SEMA6A: variants seen among roughly 807,000 people sequenced by gnomAD.
The protein encoded by SEMA6A is semaphorin-6A.
SEMA6A carries 25 observed loss-of-function variants against 96.8 expected under a neutral mutation model. The ratio of observed to expected loss-of-function variants is 0.26; its 90% CI spans 0.19 to 0.36. The LOEUF (loss-of-function observed/expected upper bound fraction) is 0.36. Among genes scored for constraint, SEMA6A ranks in the 10% least tolerant of loss-of-function variants. SEMA6A has a pLI of 1.00. For synonymous variants in SEMA6A, 612 were observed against 518.0 expected (o/e 1.18, Z -2.46); for missense variants, 1,363 against 1,323.1 (o/e 1.03, Z -0.47).
At chr5:116,532,341 A>AT (rs1759522443) in intron 1 of SEMA6A, among the ~76,000 whole-genome samples, 1 of 152,216 alleles carries the variant, frequency 6.6e-6, no homozygotes, top group African/African-American at 2.4e-5. Context: ...CAACAAAGGG[A>AT]ATATGAATGT....
chr5:116,457,485 G>C (rs2288475), intron 18 of SEMA6A, among the ~76,000 whole-genome samples: 6,100 of 152,104 alleles, frequency 0.04, 151 homozygotes, highest in East Asian at 0.086. Flanking sequence ...GTTTGAAAAG[G>C]AATGCATCCT....
In SEMA6A at chr5:116,477,856, G is replaced by T; in HGVS notation, c.1639C>A (p.Pro547Thr). The T allele has an allele frequency of 6.2e-7, 1 of 1,613,848 alleles. No individual in the cohort carries two copies. Among genetic ancestry groups the T allele is most frequent in the East Asian group, 2.2e-5 (1 of 44,882 alleles). The change falls in exon 15 of 19, where the codon CCC becomes ACC. Residue 547 changes from proline (P) to threonine (T), a missense_variant. This residue lies in a region of SEMA6A where 883 missense variants were observed against 763.6 expected (regional missense o/e 1.16). Coordinates refer to ENST00000343348, the MANE Select transcript of SEMA6A (RefSeq NM_020796.5). ...KEGGACSHLS[P>T]NSRLTFEQDI... is the part of the protein sequence containing the mutation. ...CCTCAGGCTGCCTACCTGCTGTTGG[G>T]TGATAAATGGCTGCAGGCACCACCT...
chr5:116,526,473 GTAAACAAACGGATCAATGAATGATC>G (rs1309256691), intron 1 of SEMA6A, among the ~76,000 whole-genome samples: 1 of 152,132 alleles, frequency 6.6e-6, no homozygotes, highest in Non-Finnish European at 1.5e-5. Context: ...TGTTTGATTG[GTAAACAAACGGATCAATGAATGATC>G]TAAAATACAA....
intron 1 of SEMA6A, among the ~76,000 whole-genome samples, chr5:116,544,739 A>C (rs1321427598): frequency 6.6e-6 from 1 of 152,130 alleles, no homozygotes; most frequent in Admixed American, 6.5e-5. Context: ...GTGGCAGAGG[A>C]TTTATCTGCA....
intron 2 of SEMA6A, 54 bp from the exon 3 acceptor site, chr5:116,502,381 G>A: frequency 6.7e-7 from 1 of 1,499,778 alleles, no homozygotes; most frequent in South Asian, 1.1e-5. Flanking sequence ...GCCAGGAATT[G>A]ACAGGGTAGG....
intron 1 of SEMA6A, among the ~76,000 whole-genome samples, chr5:116,568,760 AAC>A (rs1404813728): frequency 6.6e-6 from 1 of 152,138 alleles, no homozygotes; most frequent in Non-Finnish European, 1.5e-5. Context: ...CTGGAAAAAC[AAC>A]ACAGTGAATG....
chr5:116,476,651 TAAC>T (rs537419653), intron 15 of SEMA6A, among the ~76,000 whole-genome samples: 46 of 152,314 alleles, frequency 3.0e-4, no homozygotes, highest in African/African-American at 9.6e-4. Flanking sequence ...TATATTGACT[TAAC>T]AATAATTTTT....
Position 116,447,268 on chromosome 5 carries a change from G to C in SEMA6A, c.2438C>G (p.Pro813Arg). Residue 813 changes from proline to arginine, a missense_variant, in exon 19 of 19, where the codon CCC (proline) becomes CGC (arginine). Physicochemically the swap from Pro to Arg is moderately radical, Grantham distance 103. This residue lies in a region of SEMA6A where 883 missense variants were observed against 763.6 expected (regional missense o/e 1.16). Coordinates refer to ENST00000343348, the MANE Select transcript of SEMA6A (RefSeq NM_020796.5). ...LPLRASPSHI[P>R]SVVVLPITQQ... is the part of the protein sequence containing the mutation. ...CGTGATGGGCAGGACCACCACGCTG[G>C]GGATGTGGCTGGGGGAGGCCCGCAG... 2 of 1,613,958 alleles carry C rather than the reference G, an allele frequency of 1.2e-6. No homozygotes were observed. The highest frequency in any genetic ancestry group is 1.7e-6 in the Non-Finnish European group (2 of 1,179,904).
chr5:116,550,202 A>G (rs1386439956), intron 1 of SEMA6A: 1 of 152,200 alleles, frequency 6.6e-6, no homozygotes, highest in Non-Finnish European at 1.5e-5. Context: ...TCTTATGGCT[A>G]CTTCTAAGCA....
rs577194353 is a variant in SEMA6A at position 116,490,073 on chromosome 5, A to G, written c.536-1066T>C. Among the ~76,000 whole-genome samples, 3 of 152,340 alleles carry G rather than the reference A, an allele frequency of 2.0e-5. No homozygotes were observed. The East Asian group carries it at 5.8e-4, about 29-fold the overall frequency. ...TTTTGTTTGTTTTAAAAAAACTCATATCCAAATATATTTAAACAAAGATCT... is the reference window on the plus strand; with the variant it reads ...TTTTGTTTGTTTTAAAAAAACTCATGTCCAAATATATTTAAACAAAGATCT... On this transcript the variant is annotated intron_variant, in intron 7 of 18. Transcript: ENST00000343348.
At chr5:116,466,388 A>G (rs1404055719) in intron 18 of SEMA6A, among the ~76,000 whole-genome samples, 3 of 151,932 alleles carry the variant, frequency 2.0e-5, no homozygotes, top group African/African-American at 7.3e-5. Flanking sequence ...CAAAAAAAAA[A>G]AAAAAAAGAT....
At chr5:116,501,143 C>T (rs973949924) in intron 3 of SEMA6A, among the ~76,000 whole-genome samples, 1 of 152,192 alleles carries the variant, frequency 6.6e-6, no homozygotes, top group Non-Finnish European at 1.5e-5. Flanking sequence ...TTTTGAATAG[C>T]TACACACTCC....
chr5:116,543,406 A>C (rs1760057212), intron 1 of SEMA6A, among the ~76,000 whole-genome samples: 1 of 151,970 alleles, frequency 6.6e-6, no homozygotes, highest in Non-Finnish European at 1.5e-5. Flanking sequence ...TTAAACTTCC[A>C]TTTTTCTCTT....
At chr5:116,466,134 G>C (rs949948598) in intron 18 of SEMA6A, among the ~76,000 whole-genome samples, 2 of 149,892 alleles carry the variant, frequency 1.3e-5, no homozygotes, top group African/African-American at 4.9e-5. Flanking sequence ...ACTTTGGGAA[G>C]CCGAGGCGGG....
intron 6 of SEMA6A, 65 bp from the exon 7 acceptor site, chr5:116,491,895 A>G (rs1757346685): frequency 7.5e-7 from 1 of 1,336,098 alleles, no homozygotes; most frequent in South Asian, 1.2e-5. Flanking sequence ...ACCCTCAGAA[A>G]TAATTTCCAG....
In SEMA6A at chr5:116,447,622, C is replaced by T. The variant is rs1295028057; in HGVS notation, c.2084G>A (p.Arg695His). The T allele has an allele frequency of 1.2e-6, 2 of 1,613,990 alleles. No individual in the cohort carries two copies. The highest frequency in any genetic ancestry group is 8.5e-7 in the Non-Finnish European group (1 of 1,179,878). ...QRKEKELTHSRRGSMSSVTKL... is the reference protein window; with the variant it reads ...QRKEKELTHSHRGSMSSVTKL... ...GGTGACGCTGCTCATGGAGCCCCGG[C>T]GCGAGTGGGTGAGCTCCTTCTCCTT... Residue 695 changes from arginine (R) to histidine (H), a missense_variant, in exon 19 of 19, where the codon CGC becomes CAC. Arg to His is a conservative substitution (Grantham distance 29). This residue lies in a region of SEMA6A where 883 missense variants were observed against 763.6 expected (regional missense o/e 1.16). Coordinates refer to ENST00000343348, the MANE Select transcript of SEMA6A (RefSeq NM_020796.5).
intron 3 of SEMA6A, among the ~76,000 whole-genome samples, chr5:116,500,928 C>T (rs748178329): frequency 2.0e-5 from 3 of 152,138 alleles, no homozygotes; most frequent in Non-Finnish European, 2.9e-5. Flanking sequence ...ATTGCTTTAA[C>T]CCTGGTGCGG....
At chr5:116,488,414 CA>C (rs1265097296) in intron 8 of SEMA6A, among the ~76,000 whole-genome samples, 1 of 152,180 alleles carries the variant, frequency 6.6e-6, no homozygotes, top group Non-Finnish European at 1.5e-5. Context: ...TTGCAATCAA[CA>C]ATGAAGAAAT....
In SEMA6A at chr5:116,446,943, G is replaced by T. The variant is rs775864935; in HGVS notation, c.2763C>A (p.Pro921=). Residue 921 remains proline, a synonymous_variant, in exon 19 of 19, where the codon CCC becomes CCA. Transcript: ENST00000343348. ...SYGVDYKRSY[P]TNSLTRSHQA... is the part of the protein sequence containing the mutation. ...GGTGGCTTCTCGTGAGCGAGTTCGT[G>T]GGGTAGCTCCTCTTATAGTCAACCC... is the stretch of plus-strand genomic sequence containing the variant. 1.9e-6 allele frequency: 3 copies of T among 1,613,836 alleles called. No homozygotes were observed. In the African/African-American group the frequency reaches 4.0e-5, roughly 22 times the overall value.
Sources: gnomAD v4.1 joint callset for allele counts (sites outside exome capture counted in the v4.1 genomes callset) on GRCh38, gnomAD v4.1.1 for gene constraint, gnomAD v4.1.1 regional missense constraint, MANE v1.5 for transcripts, NCBI Gene and HGNC (gene_info 2026-07-23, HGNC 2026-07-21) for gene names.